Variants in SHOC1 observed in about 807,000 individuals in gnomAD.
SHOC1 encodes the protein protein shortage in chiasmata 1 ortholog.
In SHOC1, 136 loss-of-function variants were observed where a neutral mutation model predicts 179.2. The ratio of observed to expected loss-of-function variants is 0.76; its 90% CI spans 0.66 to 0.87. The LOEUF is 0.87. Ranked by LOEUF, SHOC1 falls within the 40% of genes least tolerant of loss-of-function variation. The pLI, the probability that SHOC1 is intolerant of heterozygous loss-of-function variation, is 0.00. For synonymous variants in SHOC1, 489 were observed against 586.6 expected, an observed-to-expected ratio of 0.83 and a Z score of 2.41; for missense variants, 1,538 against 1,700.8, an observed-to-expected ratio of 0.90 and a Z score of 1.68.
chr9:111,738,122 C>T, intron 12 of SHOC1, 158 bp downstream of exon 12: 1 of 546,814 alleles, frequency 1.8e-6, no homozygotes, highest in Non-Finnish European at 3.0e-6. Context: ...GAAAATGGGA[C>T]CTAGAGAAAT....
chr9:111,751,658 C>T lies in SHOC1; in HGVS notation c.863-3459G>A, dbSNP rs563982809. ...CTGAGATCTTGAGGATCTTAGAGAT[C>T]GCTAAGATCTTAGCTTTAATTAGAT... On this transcript the variant is annotated intron_variant, in intron 8 of 27. Coordinates refer to ENST00000682961, the MANE Select transcript of SHOC1 (RefSeq NM_001378211.1). 1.8e-4 allele frequency among the ~76,000 whole-genome samples: 27 copies of T among 152,170 alleles called. No individual in the cohort carries two copies. The East Asian group carries it at 3.9e-3, about 22-fold the overall frequency.
At chr9:111,791,761 T>C (rs1836454118) in intron 1 of SHOC1, among the ~76,000 whole-genome samples, 1 of 151,536 alleles carries the variant, frequency 6.6e-6, no homozygotes, top group Admixed American at 6.6e-5. Flanking sequence ...TGTAACCATA[T>C]TTCTCAAGTG....
intron 23 of SHOC1, among the ~76,000 whole-genome samples, 184 bp from the exon 24 acceptor site, chr9:111,700,231 A>T (rs922061928): frequency 6.6e-6 from 1 of 151,844 alleles, no homozygotes; most frequent in Non-Finnish European, 1.5e-5. Context: ...CTCCATCTCC[A>T]TTATTTAATA....
rs752151148 is a variant in SHOC1, at chr9:111,686,796, C to T, written c.4501G>A (p.Gly1501Arg). The T allele has an allele frequency of 3.1e-6, 5 of 1,613,306 alleles. No homozygotes were observed. The South Asian group carries it at 5.5e-5, about 18-fold the overall frequency. ...AYEKVPGRVD[G>R]QTRLRFF ...CAAAAAAACCTCAGCCGAGTCTGCCCATCAACTCTACCAGGGACTTTTTCA... is the reference window on the plus strand; with the variant it reads ...CAAAAAAACCTCAGCCGAGTCTGCCTATCAACTCTACCAGGGACTTTTTCA... The change falls in exon 28 of 28, where the codon GGG (glycine) becomes AGG (arginine). Residue 1501 changes from glycine to arginine, a missense_variant. Gly to Arg is a moderately radical substitution (Grantham distance 125, BLOSUM62 -2). Coordinates refer to ENST00000682961, the MANE Select transcript of SHOC1 (RefSeq NM_001378211.1).
intron 19 of SHOC1, among the ~76,000 whole-genome samples, chr9:111,707,102 A>G (rs898830775): frequency 3.9e-5 from 6 of 152,102 alleles, no homozygotes; most frequent in African/African-American, 1.4e-4. Context: ...AGATAATTAC[A>G]TAATAGGATA....
chr9:111,711,373 T>C (rs1832542062), intron 18 of SHOC1, among the ~76,000 whole-genome samples: 1 of 152,160 alleles, frequency 6.6e-6, no homozygotes, highest in African/African-American at 2.4e-5. Context: ...GAAGACGGGA[T>C]GAGGCCTTGG....
rs558853216 is a variant in SHOC1, at chr9:111,709,058, T to G, written c.2489-1134A>C. On this transcript the variant is annotated intron_variant, in intron 18 of 27. Transcript: ENST00000682961. Reference sequence around the variant, plus strand: ...TGATTCTTCTATTTAAAACCTAATTTGGCTGTGTGCAGTGGCTCACGCCTG... The same window carrying G: ...TGATTCTTCTATTTAAAACCTAATTGGGCTGTGTGCAGTGGCTCACGCCTG... Among the ~76,000 whole-genome samples the G allele has an allele frequency of 1.8e-4, 28 of 152,244 alleles. No homozygotes were observed. In the South Asian group the frequency reaches 5.6e-3, roughly 30 times the overall value.
chr9:111,758,787 C>G lies in SHOC1; in HGVS notation c.504G>C (p.Leu168Phe). Residue 168 changes from leucine (L) to phenylalanine (F), a missense_variant, in exon 6 of 28, where the codon TTG (leucine) becomes TTC (phenylalanine). Leu to Phe is a conservative substitution (Grantham distance 22, BLOSUM62 0). Transcript: ENST00000682961. ...GTTTTAGTCTACTCAAGAGAGTAGG[C>G]AAAGTTGGTAGGTGTTTTCTACTAC... Reference protein sequence around the residue: ...FVSSRKHLPTLPTLLSRLKLF... With the variant: ...FVSSRKHLPTFPTLLSRLKLF... 6.3e-7 allele frequency: 1 copy of G among 1,595,180 alleles called. No individual in the cohort carries two copies. Among genetic ancestry groups the G allele is most frequent in the South Asian group, 1.1e-5 (1 of 88,516 alleles).
intron 15 of SHOC1, among the ~76,000 whole-genome samples, chr9:111,721,043 A>C (rs529973217): frequency 1.1e-3 from 163 of 152,252 alleles, no homozygotes; most frequent in Middle Eastern, 6.8e-3. Context: ...GTGCTTTATG[A>C]TGGGATGCAA....
rs139271392 is a variant in SHOC1, at chr9:111,763,566, A to T, written c.443-4718T>A. Among the ~76,000 whole-genome samples the T allele has an allele frequency of 6.2e-3, 937 of 152,282 alleles. 25 individuals carry two copies. Among genetic ancestry groups the T allele is most frequent in the East Asian group, 0.017 (88 of 5,188 alleles). On this transcript the variant is annotated intron_variant, in intron 5 of 27. Transcript: ENST00000682961. ...ATAATCTGGAATCTATAACTAGTCA[A>T]ACTATCAATTAAATGTGAGGATAGA...
At chr9:111,786,879 C>A (rs759977526) in intron 2 of SHOC1, among the ~76,000 whole-genome samples, 1 of 152,194 alleles carries the variant, frequency 6.6e-6, no homozygotes, top group Non-Finnish European at 1.5e-5. Flanking sequence ...GACAAGCTGA[C>A]TCTCTTGCTA....
At chr9:111,728,788 G>C (rs1833426943) in intron 12 of SHOC1, among the ~76,000 whole-genome samples, 2 of 152,116 alleles carry the variant, frequency 1.3e-5, no homozygotes, top group Non-Finnish European at 2.9e-5. Flanking sequence ...CCATGGAATG[G>C]TTTACTTTAA....
chr9:111,775,975 T>C lies in SHOC1; in HGVS notation c.258A>G (p.Lys86=), dbSNP rs1259732768. The C allele has an allele frequency of 3.7e-6, 6 of 1,610,626 alleles. No homozygotes were observed. Among genetic ancestry groups the C allele is most frequent in the Non-Finnish European group, 5.1e-6 (6 of 1,177,948 alleles). Residue 86 remains lysine (K), a splice_region_variant and synonymous_variant, in exon 5 of 28, where the codon AAA becomes AAG. Transcript: ENST00000682961. The part of the protein sequence containing the change: ...ASFFVEDFLE[K]KTITRMVTQI... ...GGGTCACCATTCTTGTAATTGTTTT[T>C]CTGTGACAATATAAAATTACTAATG...
chr9:111,687,200 G>A (rs1021310178), intron 27 of SHOC1, among the ~76,000 whole-genome samples: 14 of 151,674 alleles, frequency 9.2e-5, no homozygotes, highest in Admixed American at 6.6e-4. Flanking sequence ...CACCTGCCTC[G>A]GCCTCCCAAA....
At chr9:111,792,840 T>A (rs1341705023) in intron 1 of SHOC1, among the ~76,000 whole-genome samples, 1 of 152,092 alleles carries the variant, frequency 6.6e-6, no homozygotes, top group East Asian at 1.9e-4. Flanking sequence ...TGAGAATATT[T>A]CCAATCATTG....
intron 10 of SHOC1, among the ~76,000 whole-genome samples, chr9:111,745,998 T>C (rs987348206): frequency 6.6e-6 from 1 of 152,252 alleles, no homozygotes; most frequent in Non-Finnish European, 1.5e-5. Context: ...AGTTCTTTTC[T>C]GGATACAAGC....
At chr9:111,751,755 G>T (rs1834598344) in intron 8 of SHOC1, among the ~76,000 whole-genome samples, 1 of 152,048 alleles carries the variant, frequency 6.6e-6, no homozygotes, top group African/African-American at 2.4e-5. Flanking sequence ...AAGAAAGCAG[G>T]AAACACATAT....
chr9:111,760,744 A>C (rs1283510999), intron 5 of SHOC1, among the ~76,000 whole-genome samples: 1 of 151,984 alleles, frequency 6.6e-6, no homozygotes, highest in Non-Finnish European at 1.5e-5. Context: ...GAAATGATAG[A>C]ACTTTATTGA....
At chr9:111,738,187 T>C in intron 12 of SHOC1, 93 bp downstream of exon 12, 1 of 1,177,548 alleles carries the variant, frequency 8.5e-7, no homozygotes. Flanking sequence ...TAGAACCTAG[T>C]GATTTTCCCA....
Sources: allele counts gnomAD v4.1 joint callset (sites outside exome capture counted in the v4.1 genomes callset), GRCh38; gene constraint gnomAD v4.1.1; transcripts MANE v1.5; gene names NCBI Gene and HGNC (gene_info 2026-07-23, HGNC 2026-07-21).